KIAA1328: variants seen among roughly 807,000 people sequenced by gnomAD.
KIAA1328 encodes the protein protein hinderin.
KIAA1328 carries 52 observed loss-of-function variants against 68.1 expected under a neutral mutation model. The observed-to-expected ratio is 0.76, with a 90% confidence interval of 0.61 to 0.96. The LOEUF (loss-of-function observed/expected upper bound fraction) is 0.96. KIAA1328 is among the 40% of genes least tolerant of loss of function. KIAA1328 has a pLI of 0.00. For missense variants in KIAA1328, 641 were observed against 677.6 expected (o/e 0.95, Z 0.60); for synonymous variants, 232 against 239.4 (o/e 0.97, Z 0.28).
intron 6 of KIAA1328, among the ~76,000 whole-genome samples, chr18:37,018,433 A>G (rs189618730): frequency 1.3e-5 from 2 of 152,114 alleles, no homozygotes; most frequent in African/African-American, 4.8e-5. Flanking sequence ...CCTTCTGACT[A>G]TTATATACCT....
chr18:37,200,466 A>G (rs899302801), intron 9 of KIAA1328, among the ~76,000 whole-genome samples: 1 of 152,204 alleles, frequency 6.6e-6, no homozygotes, highest in African/African-American at 2.4e-5. Flanking sequence ...ATTTAGCCCA[A>G]GGGTCACATG....
rs1335261825 is a variant in KIAA1328 at position 37,223,262 on chromosome 18, A to G, written c.*1035A>G. 4.1e-6 allele frequency: 4 copies of G among 985,232 alleles called. No homozygotes were observed. The African/African-American group carries it at 7.0e-5, about 17-fold the overall frequency. The allele number at this position is 985,232 out of a possible 1,614,324, so 61.0% of individuals were successfully genotyped here. A position where few individuals can be genotyped will look rare whatever the true frequency, so the allele number is the denominator to read the frequency against. ...CCCCAAAGAACCATCTCTACTTGCC[A>G]GAGTATGTTCCACCACCCAAGCAGG... On this transcript the variant is annotated 3_prime_UTR_variant, in exon 10 of 10. Transcript: ENST00000280020.
intron 6 of KIAA1328, among the ~76,000 whole-genome samples, chr18:36,982,636 A>ACTAGT (rs1383671570): frequency 2.6e-5 from 4 of 152,090 alleles, no homozygotes; most frequent in African/African-American, 9.7e-5. Flanking sequence ...AGAAATGTTA[A>ACTAGT]AGGAAGTCTT....
intron 4 of KIAA1328, among the ~76,000 whole-genome samples, chr18:36,870,399 C>A (rs569602869): frequency 4.6e-5 from 7 of 152,162 alleles, no homozygotes; most frequent in Admixed American, 4.6e-4. Flanking sequence ...CATCTTTATT[C>A]ATTCTGAAAT....
intron 7 of KIAA1328, among the ~76,000 whole-genome samples, chr18:37,158,052 G>A (rs1366850735): frequency 1.5e-5 from 2 of 134,256 alleles, no homozygotes; most frequent in African/African-American, 2.8e-5. Flanking sequence ...CTTTTTTTTT[G>A]GAAACAGAGT....
At chr18:37,006,985 T>G (rs2053808275) in intron 6 of KIAA1328, among the ~76,000 whole-genome samples, 1 of 152,220 alleles carries the variant, frequency 6.6e-6, no homozygotes, top group Non-Finnish European at 1.5e-5. Flanking sequence ...GTTTAGGTGA[T>G]GCAGTTACAT....
At chr18:36,893,172 A>G (rs2048746121) in intron 5 of KIAA1328, among the ~76,000 whole-genome samples, 1 of 152,108 alleles carries the variant, frequency 6.6e-6, no homozygotes, top group Non-Finnish European at 1.5e-5. Flanking sequence ...CTTTTTTGGA[A>G]TTCATCCAGG....
At chr18:37,054,377 C>T (rs2055827845) in intron 6 of KIAA1328, among the ~76,000 whole-genome samples, 1 of 152,066 alleles carries the variant, frequency 6.6e-6, no homozygotes, top group African/African-American at 2.4e-5. Context: ...TTTATTGCAG[C>T]ACTATTCACA....
intron 4 of KIAA1328, among the ~76,000 whole-genome samples, chr18:36,847,937 T>C (rs777051101): frequency 6.6e-6 from 1 of 151,750 alleles, no homozygotes; most frequent in Admixed American, 6.6e-5. Flanking sequence ...TTTCATTCGC[T>C]GATGTATATG....
chr18:36,998,609 A>G (rs948748359), intron 6 of KIAA1328, among the ~76,000 whole-genome samples: 6 of 152,072 alleles, frequency 3.9e-5, no homozygotes, highest in South Asian at 2.1e-4. Context: ...CCTCATCACA[A>G]CCTTACCACA....
At chr18:37,124,214 G>A (rs571471736) in intron 7 of KIAA1328, among the ~76,000 whole-genome samples, 1 of 152,186 alleles carries the variant, frequency 6.6e-6, no homozygotes, top group African/African-American at 2.4e-5. Context: ...AATAAAAAGA[G>A]ATGTTTGGAA....
chr18:37,193,103 G>A (rs562125696), intron 9 of KIAA1328, among the ~76,000 whole-genome samples: 12 of 152,256 alleles, frequency 7.9e-5, no homozygotes, highest in Non-Finnish European at 1.3e-4. Context: ...GAGCAAGCAT[G>A]CCATGAACCT....
chr18:37,066,665 A>G (rs2056348459), intron 6 of KIAA1328, among the ~76,000 whole-genome samples: 1 of 152,134 alleles, frequency 6.6e-6, no homozygotes, highest in South Asian at 2.1e-4. Context: ...GCAGCAACTT[A>G]TTTTTCTTAT....
At chr18:37,059,004 T>C (rs1459531544) in intron 6 of KIAA1328, among the ~76,000 whole-genome samples, 1 of 152,078 alleles carries the variant, frequency 6.6e-6, no homozygotes, top group Non-Finnish European at 1.5e-5. Flanking sequence ...TTATTATATT[T>C]CACGTTAAAG....
At chr18:36,971,224 T>C (rs1303230485) in intron 6 of KIAA1328, among the ~76,000 whole-genome samples, 1 of 152,220 alleles carries the variant, frequency 6.6e-6, no homozygotes, top group Non-Finnish European at 1.5e-5. Flanking sequence ...TAAATGGTGT[T>C]TGGAAAACTA....
chr18:37,118,726 AC>A (rs1265888898), intron 7 of KIAA1328, among the ~76,000 whole-genome samples: 2 of 152,148 alleles, frequency 1.3e-5, no homozygotes, highest in East Asian at 3.9e-4. Context: ...CTCTAGACCA[AC>A]AGACCCTAAA....
chr18:36,917,239 C>T (rs2049741958), intron 5 of KIAA1328, among the ~76,000 whole-genome samples: 1 of 152,058 alleles, frequency 6.6e-6, no homozygotes, highest in Non-Finnish European at 1.5e-5. Context: ...CTGTTGTAGT[C>T]CTCTGAAGAG....
chr18:37,210,528 G>A (rs2060297000), intron 9 of KIAA1328, among the ~76,000 whole-genome samples: 1 of 152,152 alleles, frequency 6.6e-6, no homozygotes, highest in Admixed American at 6.6e-5. Context: ...CATCATCTGG[G>A]TTTTTCAAGG....
chr18:37,125,034 T>C (rs143888776), intron 7 of KIAA1328, among the ~76,000 whole-genome samples: 1 of 152,286 alleles, frequency 6.6e-6, no homozygotes, highest in East Asian at 1.9e-4. Flanking sequence ...ACAGAACATA[T>C]AAAAACTTGT....
Sources: allele counts gnomAD v4.1 joint callset (sites outside exome capture counted in the v4.1 genomes callset), GRCh38; gene constraint gnomAD v4.1.1; transcripts MANE v1.5; gene names NCBI Gene and HGNC (gene_info 2026-07-23, HGNC 2026-07-21).